The following GRIK4 variants were observed in gnomAD, a reference collection of about 807,000 sequenced individuals.
The protein encoded by GRIK4 is glutamate receptor ionotropic, kainate 4.
In GRIK4, 40 loss-of-function variants were observed where a neutral mutation model predicts 104.9. That is an observed-to-expected ratio of 0.38 (90% CI 0.30 to 0.50). GRIK4 has a LOEUF of 0.50. Among genes scored for constraint, GRIK4 ranks in the 20% least tolerant of loss-of-function variants. The probability of loss-of-function intolerance (pLI) is 0.93; values close to 1 mark genes in which losing one functional copy is unlikely to be tolerated. For synonymous variants in GRIK4, 485 were observed against 524.9 expected, an observed-to-expected ratio of 0.92 and a Z score of 1.04; for missense variants, 1,047 against 1,308.1, an observed-to-expected ratio of 0.80 and a Z score of 3.08.
In GRIK4 at chr11:120,819,751, C is replaced by T. The variant is rs764686187; in HGVS notation, c.346-4C>T. ...CTGCTGTCCGTTTTTGCTCCTCTTG[C>T]CAGGTCCCTCACTTCAAAGTGGCCC... On this transcript the variant is annotated splice_polypyrimidine_tract_variant and splice_region_variant and intron_variant, in intron 5 of 20. Transcript: ENST00000527524. The surrounding 1 kb of genome is among the most constrained non-coding windows in gnomAD (Gnocchi z 4.3). 10 of 1,613,926 alleles carry T rather than the reference C, an allele frequency of 6.2e-6. No homozygotes were observed. The highest frequency in any genetic ancestry group is 1.3e-5 in the African/African-American group (1 of 74,916).
chr11:120,900,271 G>C (rs920739820), intron 12 of GRIK4, among the ~76,000 whole-genome samples: 18 of 152,210 alleles, frequency 1.2e-4, no homozygotes, highest in African/African-American at 4.3e-4. Context: ...GTAAGAAAGG[G>C]AAGAGGCATA....
chr11:120,846,800 G>A (rs1388474213), intron 8 of GRIK4, among the ~76,000 whole-genome samples: 1 of 152,146 alleles, frequency 6.6e-6, no homozygotes, highest in African/African-American at 2.4e-5. Context: ...TTTATGGATT[G>A]GATGAATACA....
intron 3 of GRIK4, among the ~76,000 whole-genome samples, chr11:120,674,804 C>G (rs1950073636): frequency 6.6e-6 from 1 of 152,250 alleles, no homozygotes; most frequent in South Asian, 2.1e-4. Context: ...ACAGGAATCT[C>G]TGTTATGGAG....
At chr11:120,979,505 T>G (rs558761554) in intron 19 of GRIK4, among the ~76,000 whole-genome samples, 5 of 152,310 alleles carry the variant, frequency 3.3e-5, no homozygotes, top group African/African-American at 1.2e-4. Flanking sequence ...TTTTAAGGGC[T>G]TTTAGAAGGT....
intron 3 of GRIK4, among the ~76,000 whole-genome samples, chr11:120,720,593 T>C (rs896115108): frequency 5.3e-5 from 8 of 152,014 alleles, no homozygotes; most frequent in Non-Finnish European, 8.8e-5. Flanking sequence ...AGATGGGAGC[T>C]CCTGGTGCAC....
intron 4 of GRIK4, among the ~76,000 whole-genome samples, chr11:120,808,178 G>C (rs1371736712): frequency 6.6e-6 from 1 of 152,190 alleles, no homozygotes; most frequent in Non-Finnish European, 1.5e-5. Flanking sequence ...GAGAGATCCT[G>C]GCTTCAGTGT....
intron 3 of GRIK4, among the ~76,000 whole-genome samples, chr11:120,735,013 A>G (rs1951196426): frequency 6.6e-6 from 1 of 152,160 alleles, no homozygotes; most frequent in Non-Finnish European, 1.5e-5. Flanking sequence ...TCCTCAACAC[A>G]GCTATTTTGA....
At chr11:120,670,728 T>G (rs547767240) in intron 3 of GRIK4, among the ~76,000 whole-genome samples, 36 of 152,280 alleles carry the variant, frequency 2.4e-4, no homozygotes, top group African/African-American at 7.9e-4. Flanking sequence ...TATTATACTT[T>G]AAGTTCTGGG....
chr11:120,733,793 G>A (rs1464185531), intron 3 of GRIK4, among the ~76,000 whole-genome samples: 5 of 148,558 alleles, frequency 3.4e-5, no homozygotes, highest in Non-Finnish European at 7.4e-5. Flanking sequence ...GCTAGAGTAT[G>A]GTGGCACGAT....
chr11:120,741,307 G>A (rs1292101760), intron 3 of GRIK4, among the ~76,000 whole-genome samples: 1 of 134,806 alleles, frequency 7.4e-6, no homozygotes, highest in African/African-American at 2.8e-5. Context: ...TTGAGACGGA[G>A]TCTCACTGTC....
rs1371843696 is a variant in GRIK4, at chr11:120,988,874, AGACTT to A, written c.*2617_*2621del. On this transcript the variant is annotated 3_prime_UTR_variant, in exon 21 of 21. Coordinates refer to ENST00000527524, the MANE Select transcript of GRIK4 (RefSeq NM_014619.5). ...TCAGTGTGTCTAATATCCAGGTACT[AGACTT>A]GAAAAGCAAATAAAATCATAAACCC... The A allele has an allele frequency of 6.6e-6, 1 of 152,190 alleles. No homozygotes were observed. The highest frequency in any genetic ancestry group is 2.4e-5 in the African/African-American group (1 of 41,444). The allele number at this position is 152,190 out of a possible 1,614,324, so 9.4% of individuals were successfully genotyped here.
rs189544902 is a variant in GRIK4, at chr11:120,923,979, C to T, written c.1477-16368C>T. On this transcript the variant is annotated intron_variant, in intron 13 of 20. Transcript: ENST00000527524. ...GGTCCCTCTCCCCTGGGCTTTAGGACCTCTAGGGTGATGGCTGGCAAGTCC... is the reference window on the plus strand; with the variant it reads ...GGTCCCTCTCCCCTGGGCTTTAGGATCTCTAGGGTGATGGCTGGCAAGTCC... Among the ~76,000 whole-genome samples, 366 of 152,160 alleles carry T rather than the reference C, an allele frequency of 2.4e-3. 2 individuals are homozygous for T. Among genetic ancestry groups the T allele is most frequent in the African/African-American group, 8.5e-3 (352 of 41,512 alleles).
intron 1 of GRIK4, among the ~76,000 whole-genome samples, chr11:120,579,380 G>C (rs529901071): frequency 1.9e-4 from 29 of 152,284 alleles, no homozygotes; most frequent in African/African-American, 7.0e-4. Context: ...CAGGCAAGGG[G>C]AACAAGGCGG....
intron 5 of GRIK4, among the ~76,000 whole-genome samples, chr11:120,815,809 C>A (rs1240274021): frequency 6.6e-6 from 1 of 152,152 alleles, no homozygotes; most frequent in Admixed American, 6.5e-5. Context: ...GCCAAGCGGG[C>A]AGACGTCTGA....
At chr11:120,536,465 G>A (rs1432420620) in intron 1 of GRIK4, among the ~76,000 whole-genome samples, 1 of 152,234 alleles carries the variant, frequency 6.6e-6, no homozygotes, top group East Asian at 1.9e-4. Flanking sequence ...ACAGGTGGAT[G>A]CGGAGCTGGT....
chr11:120,836,596 G>A (rs976352369), intron 7 of GRIK4, among the ~76,000 whole-genome samples, 195 bp from the exon 8 acceptor site: 9 of 152,156 alleles, frequency 5.9e-5, no homozygotes, highest in South Asian at 2.1e-4. Flanking sequence ...GAGAGACCCC[G>A]CTCTTGAGAC....
intron 8 of GRIK4, among the ~76,000 whole-genome samples, chr11:120,845,516 G>A (rs1244211602): frequency 6.6e-6 from 1 of 152,024 alleles, no homozygotes; most frequent in Non-Finnish European, 1.5e-5. Flanking sequence ...CTCTACAGCT[G>A]TTATCAGAAA....
intron 1 of GRIK4, among the ~76,000 whole-genome samples, chr11:120,596,360 T>C (rs1222569043): frequency 6.6e-6 from 1 of 152,038 alleles, no homozygotes; most frequent in Non-Finnish European, 1.5e-5. Context: ...GTAAAAAAAA[T>C]GCAACGTGAT....
chr11:120,744,362 G>A (rs1332829248), intron 3 of GRIK4, among the ~76,000 whole-genome samples: 1 of 152,164 alleles, frequency 6.6e-6, no homozygotes, highest in Non-Finnish European at 1.5e-5. Flanking sequence ...CACTGTCCCT[G>A]GCCCTTGTCA....
Sources: gnomAD v4.1 joint callset for allele counts (sites outside exome capture counted in the v4.1 genomes callset) on GRCh38, gnomAD v4.1.1 for gene constraint, Gnocchi (gnomAD v3.1) non-coding constraint, MANE v1.5 for transcripts, NCBI Gene and HGNC (gene_info 2026-07-23, HGNC 2026-07-21) for gene names.